The following PTCHD4 variants were observed in gnomAD, a reference collection of about 807,000 sequenced individuals.
PTCHD4 encodes patched domain containing 4.
Under a neutral mutation model 58.1 loss-of-function variants are expected in PTCHD4, and 33 were observed. That is an observed-to-expected ratio of 0.57 (90% CI 0.43 to 0.76). PTCHD4 has a LOEUF of 0.76. PTCHD4 is among the 30% of genes least tolerant of loss of function. The pLI is 0.00. For synonymous variants in PTCHD4, 478 were observed against 409.6 expected (o/e 1.17, Z -2.02); for missense variants, 1,058 against 1,027.1 (o/e 1.03, Z -0.41).
intron 4 of PTCHD4, among the ~76,000 whole-genome samples, chr6:47,937,958 G>A (rs1766066824): frequency 6.6e-6 from 1 of 152,076 alleles, no homozygotes; most frequent in Non-Finnish European, 1.5e-5. Context: ...TTCAAGAACA[G>A]CCTGACCTAT....
Position 47,878,627 on chromosome 6 carries a change from T to C in PTCHD4, c.2208A>G (p.Ala736=). The C allele has an allele frequency of 6.2e-7, 1 of 1,613,572 alleles. No individual in the cohort carries two copies. The highest frequency in any genetic ancestry group is 8.5e-7 in the Non-Finnish European group (1 of 1,179,754). Residue 736 remains alanine, a synonymous_variant, in exon 5 of 5, where the codon GCA becomes GCG. Transcript: ENST00000339488. ...CAPLLFTFVL[A]TEHTRTQCIK... ...TACATTGTGTTCGGGTGTGCTCAGT[T>C]GCTAATACAAATGTGAAAAGCAGTG...
chr6:48,064,787 A>G (rs1252252194), intron 3 of PTCHD4, among the ~76,000 whole-genome samples: 1 of 152,186 alleles, frequency 6.6e-6, no homozygotes, highest in Non-Finnish European at 1.5e-5. Flanking sequence ...AATAGTACAG[A>G]AAGGATATAC....
chr6:47,993,289 G>A (rs952480172), intron 4 of PTCHD4, among the ~76,000 whole-genome samples: 2 of 152,122 alleles, frequency 1.3e-5, no homozygotes, highest in African/African-American at 4.8e-5. Context: ...TTTTACCAAT[G>A]ATGATGGTAA....
intron 1 of PTCHD4, among the ~76,000 whole-genome samples, chr6:48,097,562 T>A (rs1443114764): frequency 6.6e-6 from 1 of 152,218 alleles, no homozygotes; most frequent in Non-Finnish European, 1.5e-5. Context: ...CGGGGTGTTA[T>A]CCAACCTGCC....
At chr6:47,979,994 A>C (rs1767822501) in intron 4 of PTCHD4, among the ~76,000 whole-genome samples, 1 of 152,114 alleles carries the variant, frequency 6.6e-6, no homozygotes, top group Non-Finnish European at 1.5e-5. Flanking sequence ...TGAATTTTAA[A>C]ATAAACCATA....
chr6:48,009,248 C>T (rs1762584810), intron 3 of PTCHD4, 134 bp from the exon 4 acceptor site: 4 of 938,980 alleles, frequency 4.3e-6, no homozygotes, highest in Non-Finnish European at 6.1e-6. Context: ...GGTGGAGAGG[C>T]AAGTTAGAAT....
At position 47,912,089 on chromosome 6, in the gene PTCHD4, T is replaced by C. The variant is rs141541908; in HGVS notation, c.899-32153A>G. Among the ~76,000 whole-genome samples, 14 of 152,014 alleles carry C rather than the reference T, an allele frequency of 9.2e-5. No homozygotes were observed. In the East Asian group the frequency reaches 2.7e-3, roughly 29 times the overall value. ...GCTCTGGGGCTGATAAAGAAGAGAATAGAGAATTGACCATTTGATTAGGGT... is the reference window on the plus strand; with the variant it reads ...GCTCTGGGGCTGATAAAGAAGAGAACAGAGAATTGACCATTTGATTAGGGT... On this transcript the variant is annotated intron_variant, in intron 4 of 4. Transcript: ENST00000339488.
chr6:48,035,311 C>A (rs961662682), intron 3 of PTCHD4, among the ~76,000 whole-genome samples: 1 of 152,026 alleles, frequency 6.6e-6, no homozygotes, highest in African/African-American at 2.4e-5. Context: ...TTGGGAAAAT[C>A]AATCTTCCAG....
intron 4 of PTCHD4, among the ~76,000 whole-genome samples, chr6:47,970,254 C>T (rs1767455638): frequency 6.6e-6 from 1 of 151,530 alleles, no homozygotes; most frequent in East Asian, 1.9e-4. Context: ...ATGTAGCTTT[C>T]AAAAAAATAT....
At chr6:47,925,343 A>T (rs1330544694) in intron 4 of PTCHD4, among the ~76,000 whole-genome samples, 1 of 152,062 alleles carries the variant, frequency 6.6e-6, no homozygotes, top group Non-Finnish European at 1.5e-5. Flanking sequence ...GGCATTCATG[A>T]ATATTTGTTG....
rs184808312 is a variant in PTCHD4 at position 47,901,903 on chromosome 6, G to A, written c.899-21967C>T. On this transcript the variant is annotated intron_variant, in intron 4 of 4. Transcript: ENST00000339488. ...CCTTTCTTTCTTCCAAACTAAATTT[G>A]TTTCTAGCTTGAGGTAAATTCAGTG... The A allele has an allele frequency of 3.5e-5, 45 of 1,303,280 alleles. No homozygotes were observed. In the African/African-American group the frequency reaches 5.5e-4, roughly 16 times the overall value. The allele number at this position is 1,303,280 out of a possible 1,614,324, so 80.7% of individuals were successfully genotyped here. A position where few individuals can be genotyped will look rare whatever the true frequency, so the allele number is the denominator to read the frequency against.
chr6:47,980,288 A>G (rs894948994), intron 4 of PTCHD4, among the ~76,000 whole-genome samples: 3 of 152,140 alleles, frequency 2.0e-5, no homozygotes, highest in African/African-American at 7.2e-5. Context: ...TTTTATATTC[A>G]TTTGTTTATA....
chr6:47,977,977 C>G (rs945452094), intron 4 of PTCHD4, among the ~76,000 whole-genome samples: 1 of 152,160 alleles, frequency 6.6e-6, no homozygotes, highest in Non-Finnish European at 1.5e-5. Context: ...TCCAGGAAGA[C>G]TCAATCCTGT....
intron 4 of PTCHD4, among the ~76,000 whole-genome samples, chr6:47,897,720 T>C (rs989602796): frequency 1.3e-5 from 2 of 152,184 alleles, no homozygotes; most frequent in African/African-American, 4.8e-5. Context: ...GGATGACAGC[T>C]TAACTCTTAT....
intron 4 of PTCHD4, among the ~76,000 whole-genome samples, chr6:47,889,835 A>T (rs149157796): frequency 0.012 from 1,849 of 151,314 alleles, 42 homozygotes; most frequent in African/African-American, 0.043. Context: ...AATGGCAACA[A>T]AAGACAAAAT....
At chr6:47,969,734 A>C (rs1013173146) in intron 4 of PTCHD4, among the ~76,000 whole-genome samples, 8 of 152,202 alleles carry the variant, frequency 5.3e-5, no homozygotes, top group African/African-American at 1.2e-4. Context: ...GGCATAAATA[A>C]AACTTCAGGG....
rs201538595 is a variant in PTCHD4, at chr6:48,098,225, G to GT, written c.-970+12823dup. Reference sequence around the variant, plus strand: ...AGGAGAACTGAAGTTCCGATGCAAGGTGCAAAGTAGCAAACACAGGAGTTA... The same window carrying GT: ...AGGAGAACTGAAGTTCCGATGCAAGGTTGCAAAGTAGCAAACACAGGAGTTA... On this transcript the variant is annotated intron_variant, in intron 1 of 4. Coordinates refer to ENST00000339488, the MANE Select transcript of PTCHD4 (RefSeq NM_001384253.1). Among the ~76,000 whole-genome samples the GT allele has an allele frequency of 1.8e-4, 28 of 152,186 alleles. No individual in the cohort carries two copies. In the East Asian group the frequency reaches 5.2e-3, roughly 28 times the overall value.
At position 47,864,385 on chromosome 6, in the gene PTCHD4, G is replaced by T. The variant is rs1300671275; in HGVS notation, c.*13918C>A. On this transcript the variant is annotated 3_prime_UTR_variant, in exon 5 of 5. Transcript: ENST00000339488. ...TTTGCTTTGCTAAAATCCTTGATGG[G>T]TAGTGGCTGCCTCTCATTTCTCTTT... Among the ~76,000 whole-genome samples the T allele has an allele frequency of 1.3e-5, 2 of 151,824 alleles. No homozygotes were observed. The highest frequency in any genetic ancestry group is 4.8e-5 in the African/African-American group (2 of 41,380).
intron 4 of PTCHD4, among the ~76,000 whole-genome samples, chr6:47,973,102 G>A (rs1231541942): frequency 6.6e-6 from 1 of 152,052 alleles, no homozygotes; most frequent in African/African-American, 2.4e-5. Flanking sequence ...AGTCAGAAAT[G>A]TGTGCTTAAC....
Sources: gnomAD v4.1 joint callset for allele counts (sites outside exome capture counted in the v4.1 genomes callset) on GRCh38, gnomAD v4.1.1 for gene constraint, MANE v1.5 for transcripts, NCBI Gene and HGNC (gene_info 2026-07-23, HGNC 2026-07-21) for gene names.